The following PSKH2 variants were observed in gnomAD, a reference collection of about 807,000 sequenced individuals.
The protein encoded by PSKH2 is serine/threonine-protein kinase H2.
PSKH2 carries 16 observed loss-of-function variants against 22.5 expected under a neutral mutation model. The ratio of observed to expected loss-of-function variants is 0.71; its 90% confidence interval spans 0.48 to 1.08. PSKH2 has a LOEUF of 1.08. PSKH2 is among the 50% of genes least tolerant of loss of function. The probability of loss-of-function intolerance (pLI) is 0.00; values close to 1 mark genes in which losing one functional copy is unlikely to be tolerated. For missense variants in PSKH2, 516 were observed against 492.8 expected, an observed-to-expected ratio of 1.05 and a Z score of -0.44; for synonymous variants, 188 against 184.8, an observed-to-expected ratio of 1.02 and a Z score of -0.14.
chr8:86,057,285 T>TAC (rs71574253), intron 2 of PSKH2, among the ~76,000 whole-genome samples: 190 of 129,960 alleles, frequency 1.5e-3, no homozygotes, highest in East Asian at 7.6e-3. Context: ...TGCATGCATG[T>TAC]ACACACACAC....
chr8:86,066,060 AAAT>A (rs371178355), intron 1 of PSKH2, among the ~76,000 whole-genome samples: 15 of 152,304 alleles, frequency 9.8e-5, no homozygotes, highest in Middle Eastern at 3.4e-3. Flanking sequence ...GCTAGACTTA[AAAT>A]CACGATTGTA....
intron 2 of PSKH2, among the ~76,000 whole-genome samples, chr8:86,061,357 TTTA>T (rs1817775655): frequency 6.6e-6 from 1 of 152,214 alleles, no homozygotes; most frequent in African/African-American, 2.4e-5. Flanking sequence ...TTGTATATTG[TTTA>T]TTATTCTTTC....
rs141430833 is a variant in PSKH2 at position 86,049,750 on chromosome 8, C to CGAAAGAAAGAAA, written c.853-995_853-984dup. Among the ~76,000 whole-genome samples the CGAAAGAAAGAAA allele has an allele frequency of 6.0e-5, 4 of 67,124 alleles. No individual in the cohort carries two copies. In the Admixed American group the frequency reaches 6.3e-4, roughly 11 times the overall value. The allele number at this position is 67,124 out of a possible 152,430, so 44.0% of individuals were successfully genotyped here. ...AGAAAGAAAGAAAGAAAGAAAGAAACGAAAGAAAGAAAGAAAGAGAAAAGA... is the reference window on the plus strand; with the variant it reads ...AGAAAGAAAGAAAGAAAGAAAGAAACGAAAGAAAGAAAGAAAGAAAGAAAGAAAGAGAAAAGA... On this transcript the variant is annotated intron_variant, in intron 2 of 2. Coordinates refer to ENST00000276616, the MANE Select transcript of PSKH2 (RefSeq NM_033126.3).
chr8:86,068,836 C>A (rs530442691), intron 1 of PSKH2, among the ~76,000 whole-genome samples: 15 of 152,192 alleles, frequency 9.9e-5, no homozygotes, highest in African/African-American at 3.6e-4. Flanking sequence ...TCTCACACCC[C>A]CACCCCCCAC....
Position 86,064,162 on chromosome 8 carries a change from T to C in PSKH2, c.655A>G (p.Met219Val). The C allele has an allele frequency of 6.2e-7, 1 of 1,614,188 alleles. No homozygotes were observed. Among genetic ancestry groups the C allele is most frequent in the Non-Finnish European group, 8.5e-7 (1 of 1,180,042 alleles). ...YSGKKSGDWT[M>V]KTLCGTPEYI... ...TCTGGGGTCCCACAGAGTGTCTTCA[T>C]TGTCCAGTCACCACTTTTTTTCCCG... Residue 219 changes from methionine (M) to valine (V), a missense_variant, in exon 2 of 3, where the codon ATG (methionine) becomes GTG (valine). Coordinates refer to ENST00000276616, the MANE Select transcript of PSKH2 (RefSeq NM_033126.3).
chr8:86,054,587 A>G (rs1305557843), intron 2 of PSKH2, among the ~76,000 whole-genome samples: 3 of 152,176 alleles, frequency 2.0e-5, no homozygotes, highest in African/African-American at 7.2e-5. Context: ...TCAATCTACA[A>G]AGCAGATTTT....
intron 2 of PSKH2, among the ~76,000 whole-genome samples, chr8:86,050,444 A>T (rs537378921): frequency 6.6e-6 from 1 of 152,330 alleles, no homozygotes; most frequent in South Asian, 2.1e-4. Flanking sequence ...CCAATCACTA[A>T]TCAATGTTAT....
intron 2 of PSKH2, among the ~76,000 whole-genome samples, chr8:86,063,398 A>T (rs967855627): frequency 6.6e-6 from 1 of 152,224 alleles, no homozygotes; most frequent in Non-Finnish European, 1.5e-5. Flanking sequence ...AAAAAAGTTA[A>T]CACATTCATG....
intron 2 of PSKH2, among the ~76,000 whole-genome samples, chr8:86,059,775 C>T (rs1779913249): frequency 1.3e-5 from 2 of 152,178 alleles, no homozygotes. Flanking sequence ...ATTCTGTCTA[C>T]CACATCTATG....
chr8:86,058,927 ATTTATTTTAT>A (rs149973011), intron 2 of PSKH2, among the ~76,000 whole-genome samples: 1 of 151,162 alleles, frequency 6.6e-6, no homozygotes, highest in Non-Finnish European at 1.5e-5. Flanking sequence ...TTTTCATCCA[ATTTATTTTAT>A]TTTATTTTAT....
At position 86,047,754 on chromosome 8, in the gene PSKH2, A is replaced by C. The variant is rs1586054592; in HGVS notation, c.*708T>G. Among the ~76,000 whole-genome samples, 1 of 152,162 alleles carries C rather than the reference A, an allele frequency of 6.6e-6. No homozygotes were observed. The highest frequency in any genetic ancestry group is 1.5e-5 in the Non-Finnish European group (1 of 68,006). On this transcript the variant is annotated 3_prime_UTR_variant, in exon 3 of 3. Transcript: ENST00000276616. ...AAATAATTCTAAAAGAAACCAGTAC[A>C]TACTGAAAAGAGTTGACAGTAGTGA...
At chr8:86,049,267 G>T (rs1030112881) in intron 2 of PSKH2, among the ~76,000 whole-genome samples, 1 of 152,080 alleles carries the variant, frequency 6.6e-6, no homozygotes, top group African/African-American at 2.4e-5. Flanking sequence ...CCCTTTGAAA[G>T]CTTACTCTGA....
intron 1 of PSKH2, among the ~76,000 whole-genome samples, chr8:86,066,868 C>T (rs757461270): frequency 3.3e-5 from 5 of 152,170 alleles, no homozygotes; most frequent in Non-Finnish European, 7.3e-5. Flanking sequence ...TTTTCCCTTT[C>T]CAACTCTGCT....
Position 86,047,809 on chromosome 8 carries a change from A to C in PSKH2, c.*653T>G, listed in dbSNP as rs1277924879. Among the ~76,000 whole-genome samples the C allele has an allele frequency of 6.6e-6, 1 of 151,256 alleles. No homozygotes were observed. Among genetic ancestry groups the C allele is most frequent in the Admixed American group, 6.6e-5 (1 of 15,128 alleles). ...AAGCAAGATGTTTATATTTTTTTGTAAACCCTGGTGGTTGATGAATGCTAA... is the reference window on the plus strand; with the variant it reads ...AAGCAAGATGTTTATATTTTTTTGTCAACCCTGGTGGTTGATGAATGCTAA... On this transcript the variant is annotated 3_prime_UTR_variant, in exon 3 of 3. Transcript: ENST00000276616.
intron 2 of PSKH2, among the ~76,000 whole-genome samples, chr8:86,053,337 T>C (rs1817659278): frequency 6.6e-6 from 1 of 152,128 alleles, no homozygotes; most frequent in South Asian, 2.1e-4. Context: ...TCCTTTCAGT[T>C]GCCTTCCGTG....
intron 1 of PSKH2, among the ~76,000 whole-genome samples, chr8:86,066,876 G>C (rs1817869425): frequency 2.0e-5 from 3 of 151,986 alleles, no homozygotes. Context: ...TTCCAACTCT[G>C]CTTTTCTATT....
At position 86,068,958 on chromosome 8, in the gene PSKH2, T is replaced by C. The variant is rs535070233; in HGVS notation, c.185+480A>G. Among the ~76,000 whole-genome samples the C allele has an allele frequency of 2.6e-5, 4 of 152,256 alleles. No individual in the cohort carries two copies. The South Asian group carries it at 6.2e-4, about 24-fold the overall frequency. ...AAAGAGAAATTGTACTGGGCACTTATGGAACACAGCAAGGAAGGCTTATCC... is the reference window on the plus strand; with the variant it reads ...AAAGAGAAATTGTACTGGGCACTTACGGAACACAGCAAGGAAGGCTTATCC... On this transcript the variant is annotated intron_variant, in intron 1 of 2. Transcript: ENST00000276616.
At chr8:86,054,671 T>C (rs960417803) in intron 2 of PSKH2, among the ~76,000 whole-genome samples, 1 of 152,218 alleles carries the variant, frequency 6.6e-6, no homozygotes. Context: ...ATGCTCTGTC[T>C]GCTGGGGCAT....
intron 2 of PSKH2, among the ~76,000 whole-genome samples, chr8:86,062,718 A>T (rs1476173292): frequency 1.3e-5 from 2 of 152,130 alleles, no homozygotes; most frequent in Non-Finnish European, 2.9e-5. Flanking sequence ...AGACAGCTAA[A>T]CCTTTTTTAA....
Sources: gnomAD v4.1 joint callset for allele counts (sites outside exome capture counted in the v4.1 genomes callset) on GRCh38, gnomAD v4.1.1 for gene constraint, MANE v1.5 for transcripts, NCBI Gene and HGNC (gene_info 2026-07-23, HGNC 2026-07-21) for gene names.